SEMA5A: variants seen among roughly 807,000 people sequenced by gnomAD.
SEMA5A encodes semaphorin 5A.
A neutral mutation model predicts 135.5 loss-of-function variants in SEMA5A; 55 were observed. That is an observed-to-expected ratio of 0.41 (90% CI 0.33 to 0.51). The LOEUF (loss-of-function observed/expected upper bound fraction) is 0.51, where lower values mean the gene tolerates loss of function less well. SEMA5A is among the 20% of genes least tolerant of loss of function. The probability of loss-of-function intolerance (pLI) is 0.37; values close to 1 mark genes in which losing one functional copy is unlikely to be tolerated. For synonymous variants in SEMA5A, 580 were observed against 546.5 expected (o/e 1.06, Z -0.85); for missense variants, 1,290 against 1,419.9 (o/e 0.91, Z 1.47).
At chr5:9,257,250 CTT>C (rs918555261) in intron 5 of SEMA5A, among the ~76,000 whole-genome samples, 3 of 152,188 alleles carry the variant, frequency 2.0e-5, no homozygotes, top group Non-Finnish European at 4.4e-5. Context: ...AGAGAAAACT[CTT>C]TACCTATCAT....
intron 13 of SEMA5A, among the ~76,000 whole-genome samples, chr5:9,126,809 G>A (rs1741139809): frequency 6.6e-6 from 1 of 152,142 alleles, no homozygotes. Flanking sequence ...TGCTAAATCT[G>A]AAAAATATCT....
Position 9,349,922 on chromosome 5 carries a change from C to CA in SEMA5A, c.125-12111dup, listed in dbSNP as rs754344907. On this transcript the variant is annotated intron_variant, in intron 3 of 22. Coordinates refer to ENST00000382496, the MANE Select transcript of SEMA5A (RefSeq NM_003966.3). Reference sequence around the variant, plus strand: ...ATCTCAAAAAAACAAAACAAACAAACAAACAAAAAAAAAACATGCTATCAA... The same window carrying CA: ...ATCTCAAAAAAACAAAACAAACAAACAAAACAAAAAAAAAACATGCTATCAA... Among the ~76,000 whole-genome samples, 145 of 150,160 alleles carry CA rather than the reference C, an allele frequency of 9.7e-4. 2 individuals are homozygous for CA. The highest frequency in any genetic ancestry group is 3.0e-3 in the African/African-American group (121 of 40,846).
At chr5:9,370,825 G>A (rs1038822472) in intron 3 of SEMA5A, among the ~76,000 whole-genome samples, 1 of 152,076 alleles carries the variant, frequency 6.6e-6, no homozygotes, top group Admixed American at 6.5e-5. Context: ...CATAATCCAA[G>A]AAAGATACTG....
In SEMA5A at chr5:9,119,008, G is replaced by A; in HGVS notation, c.1915C>T (p.Arg639Cys). Residue 639 changes from arginine to cysteine, a missense_variant, in exon 15 of 23, where the codon CGC becomes TGC. Around this residue, in one of 3 missense-constraint regions of SEMA5A, gnomAD observed 1,029 missense variants for 1,086.6 expected, o/e 0.95. Transcript: ENST00000382496. ...AGGGTGGGCACGTACCTTTCCTCGCGGTTCTGTCCCACGCACACCCGGCCC... is the reference window on the plus strand; with the variant it reads ...AGGGTGGGCACGTACCTTTCCTCGCAGTTCTGTCCCACGCACACCCGGCCC... The part of the protein sequence containing the change: ...HGGRVCVGQN[R>C]EERYCNEHLL... 2 of 1,613,124 alleles carry A rather than the reference G, an allele frequency of 1.2e-6. No individual in the cohort carries two copies. The highest frequency in any genetic ancestry group is 1.7e-6 in the Non-Finnish European group (2 of 1,179,710).
At chr5:9,424,714 G>C (rs1375914031) in intron 2 of SEMA5A, among the ~76,000 whole-genome samples, 1 of 152,124 alleles carries the variant, frequency 6.6e-6, no homozygotes, top group Non-Finnish European at 1.5e-5. Context: ...CACTTACTGA[G>C]GTCCAAAACT....
chr5:9,076,130 G>A (rs1033329226), intron 16 of SEMA5A, among the ~76,000 whole-genome samples: 5 of 150,516 alleles, frequency 3.3e-5, no homozygotes, highest in Admixed American at 2.0e-4. Flanking sequence ...GCTTGAACCC[G>A]GGAAGCGGAG....
intron 4 of SEMA5A, among the ~76,000 whole-genome samples, chr5:9,332,131 C>A (rs749560608): frequency 8.6e-5 from 13 of 151,558 alleles, no homozygotes; most frequent in South Asian, 2.1e-4. Flanking sequence ...CTGGTACTCA[C>A]ACTGGGTCAG....
Position 9,054,078 on chromosome 5 carries a change from G to T in SEMA5A, c.2689+9C>A. Reference sequence around the variant, plus strand: ...CTGAAAGCTGTGCAGTAGGTGAGGTGCCGCTTACCTGGGCAGGGCTGCGTG... The same window carrying T: ...CTGAAAGCTGTGCAGTAGGTGAGGTTCCGCTTACCTGGGCAGGGCTGCGTG... On this transcript the variant is annotated intron_variant, in intron 19 of 22. Transcript: ENST00000382496. 6.3e-7 allele frequency: 1 copy of T among 1,599,890 alleles called. No homozygotes were observed. The highest frequency in any genetic ancestry group is 8.5e-7 in the Non-Finnish European group (1 of 1,174,778).
At chr5:9,360,138 C>T (rs1424371118) in intron 3 of SEMA5A, among the ~76,000 whole-genome samples, 1 of 152,188 alleles carries the variant, frequency 6.6e-6, no homozygotes, top group African/African-American at 2.4e-5. Context: ...CTGGCCTTTG[C>T]AGGTATTAAC....
chr5:9,143,035 T>G (rs1175646904), intron 12 of SEMA5A, among the ~76,000 whole-genome samples: 1 of 152,198 alleles, frequency 6.6e-6, no homozygotes, highest in Non-Finnish European at 1.5e-5. Flanking sequence ...TCCTGAGACA[T>G]CCACAGATCC....
chr5:9,137,107 A>G (rs1741802334), intron 12 of SEMA5A, among the ~76,000 whole-genome samples: 1 of 152,228 alleles, frequency 6.6e-6, no homozygotes, highest in South Asian at 2.1e-4. Flanking sequence ...TACCATCACC[A>G]TAATCATCAT....
chr5:9,271,814 G>A (rs1267823700), intron 5 of SEMA5A, among the ~76,000 whole-genome samples: 1 of 152,162 alleles, frequency 6.6e-6, no homozygotes, highest in Non-Finnish European at 1.5e-5. Flanking sequence ...ATTAGGGATT[G>A]TACCATGCAC....
chr5:9,248,431 C>T (rs1213300810), intron 5 of SEMA5A, among the ~76,000 whole-genome samples: 1 of 151,928 alleles, frequency 6.6e-6, no homozygotes, highest in Non-Finnish European at 1.5e-5. Flanking sequence ...ATTGCCTACA[C>T]CAATTAGGGC....
At chr5:9,349,168 G>A (rs1414922837) in intron 3 of SEMA5A, among the ~76,000 whole-genome samples, 9 of 152,162 alleles carry the variant, frequency 5.9e-5, no homozygotes, top group Admixed American at 2.0e-4. Context: ...AAGTCCCAAG[G>A]TGGCCTCTTT....
Position 9,540,444 on chromosome 5 carries a change from A to G in SEMA5A, c.-175+5140T>C, listed in dbSNP as rs575296006. Among the ~76,000 whole-genome samples, 118 of 151,266 alleles carry G rather than the reference A, an allele frequency of 7.8e-4. 2 individuals are homozygous for G. Among genetic ancestry groups the G allele is most frequent in the Middle Eastern group, 6.8e-3 (2 of 294 alleles). On this transcript the variant is annotated intron_variant, in intron 1 of 22. Coordinates refer to ENST00000382496, the MANE Select transcript of SEMA5A (RefSeq NM_003966.3). ...CTCTACTAAAAATTCAAAAAAAAAA[A>G]AAAATTAGCTGGGCATGTGGCGGAC... is the stretch of plus-strand genomic sequence containing the variant.
At chr5:9,337,157 A>G (rs73050528) in intron 4 of SEMA5A, among the ~76,000 whole-genome samples, 1,585 of 152,280 alleles carry the variant, frequency 0.01, 28 homozygotes, top group African/African-American at 0.036. Flanking sequence ...TAAGAGATAA[A>G]GATAAAAATA....
At chr5:9,105,189 G>A (rs920866427) in intron 16 of SEMA5A, among the ~76,000 whole-genome samples, 2 of 152,182 alleles carry the variant, frequency 1.3e-5, no homozygotes, top group Admixed American at 6.5e-5. Context: ...AGCAATTTAC[G>A]AGTAGGGATT....
At chr5:9,309,241 A>C (rs1241948560) in intron 5 of SEMA5A, among the ~76,000 whole-genome samples, 1 of 152,132 alleles carries the variant, frequency 6.6e-6, no homozygotes, top group African/African-American at 2.4e-5. Context: ...GAAATGTTAG[A>C]ATCATGAAGA....
chr5:9,421,839 T>A (rs993937180), intron 2 of SEMA5A, among the ~76,000 whole-genome samples: 2 of 152,244 alleles, frequency 1.3e-5, no homozygotes, highest in East Asian at 3.8e-4. Context: ...TATTTTTCAA[T>A]TTTCTTATGG....
Sources: allele counts gnomAD v4.1 joint callset (sites outside exome capture counted in the v4.1 genomes callset), GRCh38; gene constraint gnomAD v4.1.1; regional missense constraint gnomAD v4.1.1; transcripts MANE v1.5; gene names NCBI Gene and HGNC (gene_info 2026-07-23, HGNC 2026-07-21).